KCNMB3: variants seen among roughly 807,000 people sequenced by gnomAD.
KCNMB3 encodes calcium-activated potassium channel subunit beta-3.
KCNMB3 carries 18 observed loss-of-function variants against 11.9 expected under a neutral mutation model. The observed-to-expected ratio is 1.51, with a 90% CI of 1.04 to 2.23. The LOEUF is 2.23. Among genes scored for constraint, KCNMB3 ranks in the 30% most tolerant of loss-of-function variants. The pLI is 0.00. For missense variants in KCNMB3, 247 were observed against 329.4 expected (o/e 0.75, Z 1.94); for synonymous variants, 78 against 119.2 (o/e 0.65, Z 2.25).
downstream of KCNMB3, chr3:179,241,986 AG>A (rs1378581344): frequency 6.5e-6 from 1 of 154,210 alleles, no homozygotes; most frequent in African/African-American, 2.4e-5. Context: ...TTAATTAACT[AG>A]AAAAATGTTA....
upstream of KCNMB3, among the ~76,000 whole-genome samples, chr3:179,253,191 A>C (rs1428409772): frequency 6.6e-6 from 1 of 152,166 alleles, no homozygotes; most frequent in African/African-American, 2.4e-5. Flanking sequence ...AAGGTATCCC[A>C]GAGGTTTATT....
upstream of KCNMB3, chr3:179,266,978 A>G: frequency 2.5e-6 from 3 of 1,218,794 alleles, no homozygotes; most frequent in Non-Finnish European, 3.1e-6. Context: ...CTGCAGCCGA[A>G]GCTGCTTCTC....
upstream of KCNMB3, chr3:179,251,641 A>G: frequency 2.4e-6 from 3 of 1,249,528 alleles, no homozygotes; most frequent in Non-Finnish European, 3.0e-6. Flanking sequence ...AGAAGAGTCC[A>G]ACACAAAGGT....
In KCNMB3 at chr3:179,243,025, A is replaced by T; in HGVS notation, c.707T>A (p.Leu236Gln). ...GACTACAGTGCTATATTTTTCACACAGTAAGGACAGGTGTTGTGTTAATCT... is the reference window on the plus strand; with the variant it reads ...GACTACAGTGCTATATTTTTCACACTGTAAGGACAGGTGTTGTGTTAATCT... ...MVRLTQHLSLLCEKYSTVVRD... is the reference protein window; with the variant it reads ...MVRLTQHLSLQCEKYSTVVRD... The change falls in exon 3 of 3, where the codon CTG (leucine) becomes CAG (glutamine). Residue 236 changes from leucine (L) to glutamine (Q), a missense_variant. Physicochemically the swap from Leu to Gln is moderately radical, Grantham distance 113 (BLOSUM62 -2). Transcript: ENST00000392685. The T allele has an allele frequency of 6.2e-7, 1 of 1,600,008 alleles. No individual in the cohort carries two copies. The highest frequency in any genetic ancestry group is 8.5e-7 in the Non-Finnish European group (1 of 1,174,398).
intron 1 of KCNMB3, among the ~76,000 whole-genome samples, chr3:179,263,751 GTTTT>G (rs896557865): frequency 7.0e-6 from 1 of 142,134 alleles, no homozygotes; most frequent in African/African-American, 2.7e-5. Context: ...TCTATATTAG[GTTTT>G]TTGTTTTTTG....
At chr3:179,260,983 G>T (rs1048328777) in intron 1 of KCNMB3, 2 of 983,728 alleles carry the variant, frequency 2.0e-6, no homozygotes, top group Admixed American at 1.9e-5. Context: ...TGGACGCCTC[G>T]GTGTCGATGG....
downstream of KCNMB3, chr3:179,240,747 C>T (rs912792729): frequency 2.0e-5 from 3 of 151,108 alleles, no homozygotes; most frequent in Admixed American, 1.3e-4. Context: ...TTGAAACACA[C>T]GCTTTATATT....
intron 1 of KCNMB3, among the ~76,000 whole-genome samples, chr3:179,261,496 G>C (rs1726210859): frequency 6.6e-6 from 1 of 151,788 alleles, no homozygotes; most frequent in African/African-American, 2.4e-5. Flanking sequence ...GTAGGTGGCC[G>C]CGGGCTGAGC....
intron 1 of KCNMB3, among the ~76,000 whole-genome samples, chr3:179,263,795 CTTTTCTTTTTTTTTTT>C (rs1442608176): frequency 3.6e-5 from 4 of 110,100 alleles, no homozygotes; most frequent in Admixed American, 9.9e-5. Flanking sequence ...TTTTCTTTTT[CTTTTCTTTTTTTTTTT>C]TTTTTTTTTT....
chr3:179,263,800 C>CTTTTTT (rs60270913), intron 1 of KCNMB3, among the ~76,000 whole-genome samples: 173 of 59,972 alleles, frequency 2.9e-3, no homozygotes, highest in African/African-American at 5.5e-3. Context: ...TTTTTCTTTT[C>CTTTTTT]TTTTTTTTTT....
At chr3:179,251,422 C>T, upstream of KCNMB3, 1 of 1,425,526 alleles carries the variant, frequency 7.0e-7, no homozygotes, top group South Asian at 1.6e-5. Flanking sequence ...ATATCCACCA[C>T]CAGAATTTCT....
At chr3:179,243,335 A>ATACT in intron 2 of KCNMB3, 51 bp from the exon 3 acceptor site, 1 of 1,545,590 alleles carries the variant, frequency 6.5e-7, no homozygotes, top group African/African-American at 1.4e-5. Flanking sequence ...CCAATACCAA[A>ATACT]TACTTAACAG....
intron 1 of KCNMB3, among the ~76,000 whole-genome samples, chr3:179,263,800 C>CTTTTCTTTT (rs1726296567): frequency 8.3e-5 from 5 of 59,978 alleles, no homozygotes; most frequent in African/African-American, 3.5e-4. Context: ...TTTTTCTTTT[C>CTTTTCTTTT]TTTTTTTTTT....
intron 1 of KCNMB3, chr3:179,259,726 T>G (rs1452291082): frequency 6.3e-7 from 1 of 1,592,994 alleles, no homozygotes; most frequent in Non-Finnish European, 8.5e-7. Flanking sequence ...TTCTTTTTCT[T>G]TTTCTTGTTC....
chr3:179,257,249 C>T (rs923077188), intron 1 of KCNMB3, among the ~76,000 whole-genome samples: 1 of 152,148 alleles, frequency 6.6e-6, no homozygotes, highest in African/African-American at 2.4e-5. Context: ...GTTCCACTTG[C>T]AATTTTTTTT....
rs779219884 is a variant in KCNMB3, at chr3:179,244,681, T to C, written c.261A>G (p.Glu87=). The change falls in exon 2 of 3, where the codon GAA becomes GAG. Residue 87 remains glutamate, a synonymous_variant. Coordinates refer to ENST00000392685, the MANE Select transcript of KCNMB3 (RefSeq NM_171830.2). ...LKPFMLSIQR[E]ESTCTAIHTD... ...TGTGGATGGCAGTGCAGGTCGATTC[T>C]TCTCTCTGAATGCTTCAATTTGAAA... 4 of 1,612,958 alleles carry C rather than the reference T, an allele frequency of 2.5e-6. No homozygotes were observed. The East Asian group carries it at 8.9e-5, about 36-fold the overall frequency.
downstream of KCNMB3, chr3:179,239,908 A>T (rs1725407093): frequency 1.3e-6 from 1 of 779,724 alleles, no homozygotes; most frequent in African/African-American, 1.8e-5. Context: ...TACTATATTG[A>T]GAATATAGAA....
chr3:179,262,181 G>T (rs939258997), intron 1 of KCNMB3, among the ~76,000 whole-genome samples: 9 of 152,214 alleles, frequency 5.9e-5, no homozygotes, highest in African/African-American at 2.2e-4. Context: ...TAGGGTAATA[G>T]ATTTAAGTAA....
rs1560156273 is a variant in KCNMB3 at position 179,249,081 on chromosome 3, CGGCTCACTG to C, written c.248+1653_248+1661del. ...AGGCTGGAGTGCAATGGCGCAATCT[CGGCTCACTG>C]CAAGCTCCACCTCCTGGGTTCACAC... On this transcript the variant is annotated intron_variant, in intron 1 of 2. Coordinates refer to ENST00000392685, the MANE Select transcript of KCNMB3 (RefSeq NM_171830.2). Among the ~76,000 whole-genome samples, 8 of 143,620 alleles carry C rather than the reference CGGCTCACTG, an allele frequency of 5.6e-5. No individual in the cohort carries two copies. The East Asian group carries it at 1.5e-3, about 26-fold the overall frequency. The allele number at this position is 143,620 out of a possible 152,430, so 94.2% of individuals were successfully genotyped here. A position where few individuals can be genotyped will look rare whatever the true frequency, so the allele number is the denominator to read the frequency against.
Sources: gnomAD v4.1 joint callset for allele counts (sites outside exome capture counted in the v4.1 genomes callset) on GRCh38, gnomAD v4.1.1 for gene constraint, MANE v1.5 for transcripts, NCBI Gene and HGNC (gene_info 2026-07-23, HGNC 2026-07-21) for gene names.